The following KCNT1 variants were observed in gnomAD, a reference collection of about 807,000 sequenced individuals.
The protein encoded by KCNT1 is potassium sodium-activated channel subfamily T member 1.
In KCNT1, 78 loss-of-function variants were observed where a neutral mutation model predicts 147.8. The ratio of observed to expected loss-of-function variants is 0.53; its 90% confidence interval spans 0.44 to 0.64. The LOEUF is 0.64. Among genes scored for constraint, KCNT1 ranks in the 30% least tolerant of loss-of-function variants. KCNT1 has a pLI of 0.00. For synonymous variants in KCNT1, 867 were observed against 748.8 expected (o/e 1.16, Z -2.58); for missense variants, 1,419 against 1,750.3 (o/e 0.81, Z 3.38).
Position 135,786,495 on chromosome 9 carries a change from A to T in KCNT1, c.3476A>T (p.His1159Leu). The change falls in exon 29 of 31, where the codon CAC (histidine) becomes CTC (leucine). Residue 1159 changes from histidine to leucine, a missense_variant. This residue lies in a region of KCNT1 where 306 missense variants were observed against 294.2 expected (regional missense o/e 1.04). Transcript: ENST00000371757. Reference protein sequence around the residue: ...LSELVKNRMKHLGLPTTGYDE... With the variant: ...LSELVKNRMKLLGLPTTGYDE... ...GAGCTGGTGAAGAACCGCATGAAGCACCTGGGGCTGCCCACCACCGGCTAC... is the reference window on the plus strand; with the variant it reads ...GAGCTGGTGAAGAACCGCATGAAGCTCCTGGGGCTGCCCACCACCGGCTAC... 1 of 1,598,674 alleles carries T rather than the reference A, an allele frequency of 6.3e-7. No individual in the cohort carries two copies. Among genetic ancestry groups the T allele is most frequent in the Admixed American group, 1.7e-5 (1 of 57,170 alleles).
At chr9:135,788,378 T>C (rs1834233687) in intron 29 of KCNT1, among the ~76,000 whole-genome samples, 1 of 152,238 alleles carries the variant, frequency 6.6e-6, no homozygotes, top group African/African-American at 2.4e-5. Flanking sequence ...GGCTGAGGTC[T>C]GGGGCTTGTG....
intron 2 of KCNT1, among the ~76,000 whole-genome samples, chr9:135,749,825 C>T (rs181865368): frequency 2.6e-5 from 4 of 152,228 alleles, no homozygotes; most frequent in Admixed American, 6.5e-5. Flanking sequence ...CCCAACAGGG[C>T]GGCCTGGAGG....
At chr9:135,713,792 A>G (rs1418303362) in intron 1 of KCNT1, among the ~76,000 whole-genome samples, 1 of 152,182 alleles carries the variant, frequency 6.6e-6, no homozygotes, top group Non-Finnish European at 1.5e-5. Flanking sequence ...GGGGACAGGA[A>G]AGATGCAAGA....
chr9:135,794,581 C>T lies in KCNT1; in HGVS notation c.*2420C>T, dbSNP rs1048554898. The T allele has an allele frequency of 6.6e-6, 1 of 152,282 alleles. No individual in the cohort carries two copies. The highest frequency in any genetic ancestry group is 6.5e-5 in the Admixed American group (1 of 15,292). 9.4% of individuals were successfully genotyped at this position (152,282 alleles called of 1,614,324 possible). On this transcript the variant is annotated 3_prime_UTR_variant, in exon 31 of 31. Coordinates refer to ENST00000371757, the MANE Select transcript of KCNT1 (RefSeq NM_020822.3). ...TCCGCCTGGAGCTCATGCGGGCAGCCGTGGACACAGGTGGCACCCAGCGCC... is the reference window on the plus strand; with the variant it reads ...TCCGCCTGGAGCTCATGCGGGCAGCTGTGGACACAGGTGGCACCCAGCGCC...
chr9:135,766,633 C>G (rs2131483967), intron 13 of KCNT1: 1 of 152,910 alleles, frequency 6.5e-6, no homozygotes, highest in East Asian at 1.9e-4. Context: ...CTGGGGTGGA[C>G]CCTCTGGGGT....
intron 21 of KCNT1, among the ~76,000 whole-genome samples, chr9:135,777,983 C>CCGTGCTCT (rs1196539547): frequency 6.6e-6 from 1 of 150,942 alleles, no homozygotes; most frequent in African/African-American, 2.4e-5. Context: ...CCCAGCTCCT[C>CCGTGCTCT]CATGCTCTCA....
intron 18 of KCNT1, among the ~76,000 whole-genome samples, chr9:135,772,433 C>G (rs1564373335): frequency 3.9e-5 from 6 of 152,186 alleles, no homozygotes. Context: ...CAACCCCCTC[C>G]TCAGGCATCT....
rs150501177 is a variant in KCNT1, at chr9:135,784,867, G to A, written c.3134G>A (p.Ser1045Asn). ...CCCATTGGCATCTACCGGACAGAGA[G>A]CCACGTCTTCTCCACCTCGGAGGTT... Reference protein sequence around the residue: ...EIPIGIYRTESHVFSTSEPHD... With the variant: ...EIPIGIYRTENHVFSTSEPHD... The change falls in exon 27 of 31, where the codon AGC becomes AAC. Residue 1045 changes from serine (S) to asparagine (N), a missense_variant. This residue lies in a region of KCNT1 where 306 missense variants were observed against 294.2 expected (regional missense o/e 1.04). Coordinates refer to ENST00000371757, the MANE Select transcript of KCNT1 (RefSeq NM_020822.3). The A allele has an allele frequency of 5.6e-6, 9 of 1,612,684 alleles. No homozygotes were observed. The highest frequency in any genetic ancestry group is 7.6e-6 in the Non-Finnish European group (9 of 1,179,984).
Position 135,714,734 on chromosome 9 carries a change from GC to G in KCNT1, c.254+15del. The G allele has an allele frequency of 1.5e-6, 2 of 1,356,340 alleles. 1 individual carries two copies. The highest frequency in any genetic ancestry group is 3.0e-5 in the South Asian group (2 of 67,226). The allele number at this position is 1,356,340 out of a possible 1,614,324, so 84.0% of individuals were successfully genotyped here. A position where few individuals can be genotyped will look rare whatever the true frequency, so the allele number is the denominator to read the frequency against. On this transcript the variant is annotated intron_variant, in intron 2 of 30. Transcript: ENST00000371757. The surrounding 1 kb of genome is among the most constrained non-coding windows in gnomAD (Gnocchi z 6.2). Reference sequence around the variant, plus strand: ...GAACGACGACAGGTAGGGACCGGGCGCGGGGTGGGGGCTGGGGTCGCCGTCC... The same window carrying G: ...GAACGACGACAGGTAGGGACCGGGCGGGGGTGGGGGCTGGGGTCGCCGTCC...
At chr9:135,722,316 C>T (rs1355805045) in intron 2 of KCNT1, among the ~76,000 whole-genome samples, 1 of 152,214 alleles carries the variant, frequency 6.6e-6, no homozygotes, top group Non-Finnish European at 1.5e-5. Flanking sequence ...CAGCGGGGCA[C>T]ACGGCTTCAT....
chr9:135,719,809 A>C (rs1339289367), intron 2 of KCNT1, among the ~76,000 whole-genome samples: 2 of 152,114 alleles, frequency 1.3e-5, no homozygotes, highest in African/African-American at 4.8e-5. Context: ...CACCAGGGTC[A>C]CCTGGGAAGG....
At chr9:135,717,372 A>G (rs1358488226) in intron 2 of KCNT1, among the ~76,000 whole-genome samples, 1 of 152,042 alleles carries the variant, frequency 6.6e-6, no homozygotes, top group African/African-American at 2.4e-5. Flanking sequence ...GTGGTTCCCC[A>G]CTTCTCACCT....
chr9:135,773,804 G>A (rs1328621971), intron 19 of KCNT1, among the ~76,000 whole-genome samples: 3 of 152,214 alleles, frequency 2.0e-5, no homozygotes, highest in Non-Finnish European at 2.9e-5. Context: ...TGCTGGGGAC[G>A]GGGTGGTGGC....
chr9:135,772,865 C>T lies in KCNT1; in HGVS notation c.2159C>T (p.Ser720Leu), dbSNP rs1423036413. The T allele has an allele frequency of 6.4e-7, 1 of 1,553,460 alleles. No individual in the cohort carries two copies. The highest frequency in any genetic ancestry group is 1.2e-5 in the South Asian group (1 of 84,262). ...CCCGTCCTGGAACTGGCCGACAGCT[C>T]AGCCCTGCTGCCCTGCGACCTGCTG... The part of the protein sequence containing the change: ...IAPVLELADS[S>L]ALLPCDLLSD... Residue 720 changes from serine to leucine, a missense_variant, in exon 19 of 31, where the codon TCA becomes TTA. Transcript: ENST00000371757.
chr9:135,781,863 G>A (rs192089515), intron 24 of KCNT1, among the ~76,000 whole-genome samples: 59 of 152,108 alleles, frequency 3.9e-4, no homozygotes, highest in Non-Finnish European at 3.2e-4. Flanking sequence ...CAGGAAGATC[G>A]CTTGAGGCCA....
intron 2 of KCNT1, among the ~76,000 whole-genome samples, chr9:135,715,849 G>T (rs1211085543): frequency 1.3e-5 from 2 of 152,218 alleles, no homozygotes; most frequent in Admixed American, 1.3e-4. Flanking sequence ...ATTTGGTTGT[G>T]TGAACCAAGA....
intron 2 of KCNT1, among the ~76,000 whole-genome samples, chr9:135,721,771 G>A (rs548736392): frequency 1.1e-4 from 17 of 152,320 alleles, no homozygotes; most frequent in South Asian, 8.3e-4. Flanking sequence ...GCTCAGGGTC[G>A]GTTTGCCTGT....
intron 2 of KCNT1, among the ~76,000 whole-genome samples, chr9:135,740,214 A>G (rs1830505125): frequency 6.6e-6 from 1 of 152,100 alleles, no homozygotes; most frequent in South Asian, 2.1e-4. Context: ...GGGGGTCAGG[A>G]CTTCAGCATG....
intron 4 of KCNT1, 29 bp from the exon 5 acceptor site, chr9:135,753,908 G>A: frequency 6.2e-7 from 1 of 1,613,720 alleles, no homozygotes; most frequent in Non-Finnish European, 8.5e-7. Context: ...GAGGGGCCAG[G>A]GCCGGGCCAG....
Sources: gnomAD v4.1 joint callset for allele counts (sites outside exome capture counted in the v4.1 genomes callset) on GRCh38, gnomAD v4.1.1 for gene constraint, gnomAD v4.1.1 regional missense constraint, Gnocchi (gnomAD v3.1) non-coding constraint, MANE v1.5 for transcripts, NCBI Gene and HGNC (gene_info 2026-07-23, HGNC 2026-07-21) for gene names.